GLRA2: variants seen among roughly 807,000 people sequenced by gnomAD.
GLRA2 encodes the protein glycine receptor subunit alpha-2.
A neutral mutation model predicts 31.6 loss-of-function variants in GLRA2; 11 were observed. The observed-to-expected ratio is 0.35, with a 90% CI of 0.22 to 0.58. The LOEUF (loss-of-function observed/expected upper bound fraction) is 0.58, where lower values mean the gene tolerates loss of function less well. Among genes scored for constraint, GLRA2 ranks in the 20% least tolerant of loss-of-function variants. GLRA2 has a pLI of 0.84. For synonymous variants in GLRA2, 132 were observed against 134.0 expected, an observed-to-expected ratio of 0.99 and a Z score of 0.10; for missense variants, 212 against 351.8, an observed-to-expected ratio of 0.60 and a Z score of 3.18.
chrX:14,648,786 T>C (rs1414527999), intron 7 of GLRA2, among the ~76,000 whole-genome samples: 1 of 112,061 alleles, frequency 8.9e-6, no homozygotes, highest in Non-Finnish European at 1.9e-5. Flanking sequence ...TCATGAGATA[T>C]CATTATACAC....
chrX:14,525,445 ATAAAT>A (rs1003914870), upstream of GLRA2, among the ~76,000 whole-genome samples: 12 of 112,088 alleles, frequency 1.1e-4, no homozygotes, highest in African/African-American at 3.6e-4. Context: ...ATGAGATTAA[ATAAAT>A]TAAGTAAATG....
chrX:14,692,706 A>G (rs1049880682), intron 8 of GLRA2, among the ~76,000 whole-genome samples: 3 of 111,633 alleles, frequency 2.7e-5, no homozygotes, highest in Non-Finnish European at 5.7e-5. Flanking sequence ...TGGCTTACTG[A>G]CTGCATACTC....
chrX:14,571,368 C>T (rs889156040), intron 2 of GLRA2, among the ~76,000 whole-genome samples: 1 of 111,683 alleles, frequency 9.0e-6, no homozygotes, highest in African/African-American at 3.3e-5. Context: ...CTGACACATG[C>T]TAGGATAACT....
intron 4 of GLRA2, among the ~76,000 whole-genome samples, chrX:14,594,176 T>G (rs867660704): frequency 9.8e-5 from 11 of 111,769 alleles, no homozygotes; most frequent in Middle Eastern, 9.3e-3. Context: ...TTGCCCTCAG[T>G]TGTCAACAGG....
At chrX:14,480,580 G>A in the GLRA2 span, among the ~76,000 whole-genome samples, 4 of 111,299 alleles carry the variant, frequency 3.6e-5, no homozygotes, top group Non-Finnish European at 1.9e-5. Flanking sequence ...TGCATATAGC[G>A]AGCCAGCTAT....
chrX:14,672,583 A>G (rs6630811), intron 7 of GLRA2, among the ~76,000 whole-genome samples: 34,835 of 110,575 alleles, frequency 0.32, 4,159 homozygotes, highest in Non-Finnish European at 0.36. Flanking sequence ...TTTTTGTTAA[A>G]GAGAAAGGAA....
the GLRA2 span, among the ~76,000 whole-genome samples, chrX:14,467,957 A>T: frequency 1.8e-5 from 2 of 111,895 alleles, no homozygotes; most frequent in African/African-American, 6.5e-5. Context: ...TAAGTGGGTC[A>T]ATAGATGGAC....
intron 7 of GLRA2, among the ~76,000 whole-genome samples, chrX:14,616,808 T>C (rs56949893): frequency 0.027 from 3,011 of 112,130 alleles, 100 homozygotes; most frequent in African/African-American, 0.09. Flanking sequence ...CAGGATCTTA[T>C]GAAGTTCTTG....
intron 7 of GLRA2, among the ~76,000 whole-genome samples, chrX:14,677,677 G>A (rs1350889956): frequency 8.9e-6 from 1 of 111,845 alleles, no homozygotes; most frequent in Non-Finnish European, 1.9e-5. Flanking sequence ...GTAATTATTT[G>A]TCATAAAGAG....
At chrX:14,458,428 A>G in the GLRA2 span, among the ~76,000 whole-genome samples, 9 of 111,771 alleles carry the variant, frequency 8.1e-5, no homozygotes, top group Non-Finnish European at 1.9e-5. Flanking sequence ...CTAGTTCTAG[A>G]TCCCTGAGGA....
chrX:14,647,508 C>A (rs1388572513), intron 7 of GLRA2, among the ~76,000 whole-genome samples: 1 of 111,043 alleles, frequency 9.0e-6, no homozygotes, highest in Non-Finnish European at 1.9e-5. Context: ...TAAGGCTGAA[C>A]AGGGCAATGT....
chrX:14,722,542 C>T (rs764400802), intron 8 of GLRA2, among the ~76,000 whole-genome samples: 1 of 111,477 alleles, frequency 9.0e-6, no homozygotes, highest in South Asian at 3.8e-4. Flanking sequence ...ATACAGACCC[C>T]ATGTCTCAAT....
intron 7 of GLRA2, among the ~76,000 whole-genome samples, chrX:14,618,119 C>T (rs2090473967): frequency 8.9e-6 from 1 of 112,069 alleles, no homozygotes; most frequent in African/African-American, 3.2e-5. Context: ...TGAAACCACT[C>T]TTAAAATTTA....
chrX:14,714,267 A>G (rs2091753032), intron 8 of GLRA2, among the ~76,000 whole-genome samples: 1 of 111,366 alleles, frequency 9.0e-6, no homozygotes, highest in South Asian at 3.8e-4. Flanking sequence ...ACACTTGGCA[A>G]TGTCTTGAGA....
chrX:14,696,497 G>A (rs2091449254), intron 8 of GLRA2, among the ~76,000 whole-genome samples: 1 of 111,869 alleles, frequency 8.9e-6, no homozygotes, highest in African/African-American at 3.3e-5. Context: ...GCCGAGGATG[G>A]GGTCTATTAT....
At chrX:14,700,501 G>C (rs1041871824) in intron 8 of GLRA2, among the ~76,000 whole-genome samples, 4 of 111,747 alleles carry the variant, frequency 3.6e-5, no homozygotes, top group Admixed American at 9.5e-5. Flanking sequence ...TCAGAGGCTA[G>C]AAAAAGAAAC....
chrX:14,500,026 C>T, the GLRA2 span, among the ~76,000 whole-genome samples: 1 of 111,708 alleles, frequency 9.0e-6, no homozygotes, highest in Non-Finnish European at 1.9e-5. Flanking sequence ...GTTGTCTATT[C>T]ACTTTGCTGT....
At chrX:14,549,690 A>C (rs921139055) in intron 2 of GLRA2, among the ~76,000 whole-genome samples, 1 of 112,238 alleles carries the variant, frequency 8.9e-6, no homozygotes, top group African/African-American at 3.2e-5. Flanking sequence ...TGTCAGGGAC[A>C]CACGAGGATA....
At chrX:14,663,641 G>A (rs944839786) in intron 7 of GLRA2, among the ~76,000 whole-genome samples, 1 of 110,820 alleles carries the variant, frequency 9.0e-6, no homozygotes, top group African/African-American at 3.3e-5. Context: ...GACCAAGTAC[G>A]ATTTATTTAA....
Sources: gnomAD v4.1 joint callset for allele counts (sites outside exome capture counted in the v4.1 genomes callset) on GRCh38, gnomAD v4.1.1 for gene constraint, MANE v1.5 for transcripts, NCBI Gene and HGNC (gene_info 2026-07-23, HGNC 2026-07-21) for gene names.